Variants in ESRP1 observed in about 807,000 individuals in gnomAD.
ESRP1 encodes RNA-binding motif protein 35A.
A neutral mutation model predicts 81.7 loss-of-function variants in ESRP1; 33 were observed. The observed-to-expected ratio is 0.40, with a 90% CI of 0.31 to 0.54. The LOEUF (loss-of-function observed/expected upper bound fraction) is 0.54, where lower values mean the gene tolerates loss of function less well. ESRP1 is among the 20% of genes least tolerant of loss of function. ESRP1 has a pLI of 0.41. For synonymous variants in ESRP1, 320 were observed against 303.3 expected, an observed-to-expected ratio of 1.06 and a Z score of -0.57; for missense variants, 672 against 833.1, an observed-to-expected ratio of 0.81 and a Z score of 2.38.
chr8:94,678,519 G>T (rs552487847), intron 13 of ESRP1, 148 bp downstream of exon 13: 7 of 920,508 alleles, frequency 7.6e-6, no homozygotes, highest in South Asian at 3.7e-5. Context: ...GACCAAGAAG[G>T]TTGTTTCAAG....
chr8:94,672,658 G>A (rs958994751), intron 11 of ESRP1, among the ~76,000 whole-genome samples: 1 of 151,956 alleles, frequency 6.6e-6, no homozygotes, highest in South Asian at 2.1e-4. Flanking sequence ...TCAGCTTCCC[G>A]AGTAGCTGGG....
intron 4 of ESRP1, among the ~76,000 whole-genome samples, chr8:94,651,250 T>TC (rs1196856498): frequency 1.3e-5 from 2 of 150,678 alleles, no homozygotes; most frequent in Admixed American, 6.6e-5. Flanking sequence ...TTTTTTTTTT[T>TC]TTTTTTTTTT....
chr8:94,699,590 T>C (rs1417936577), intron 15 of ESRP1, among the ~76,000 whole-genome samples: 1 of 152,104 alleles, frequency 6.6e-6, no homozygotes, highest in Non-Finnish European at 1.5e-5. Context: ...CAGTGAGCCA[T>C]GATTGTACCA....
intron 13 of ESRP1, among the ~76,000 whole-genome samples, chr8:94,685,463 T>A (rs185334190): frequency 3.3e-4 from 50 of 152,262 alleles, no homozygotes; most frequent in Middle Eastern, 6.8e-3. Flanking sequence ...TGAGCTGTGA[T>A]TGTGCCACTG....
rs1265837926 is a variant in ESRP1 at position 94,707,117 on chromosome 8, CAT to C, written c.*1231_*1232del. On this transcript the variant is annotated 3_prime_UTR_variant, in exon 16 of 16. Coordinates refer to ENST00000433389, the MANE Select transcript of ESRP1 (RefSeq NM_017697.4). ...AATGTGGATATTTCTCTAAGTTACT[CAT>C]ATTGTCCTTTGCTTGAATGCAATGC... 6.6e-6 allele frequency: 1 copy of C among 152,216 alleles called. No homozygotes were observed. Among genetic ancestry groups the C allele is most frequent in the East Asian group, 1.9e-4 (1 of 5,202 alleles). 9.4% of individuals were successfully genotyped at this position (152,216 alleles called of 1,614,324 possible).
intron 13 of ESRP1, among the ~76,000 whole-genome samples, chr8:94,683,315 G>A (rs1476129327): frequency 1.3e-5 from 2 of 152,094 alleles, no homozygotes; most frequent in African/African-American, 4.8e-5. Flanking sequence ...GTGTTACTGT[G>A]TTCTATCCTG....
intron 14 of ESRP1, among the ~76,000 whole-genome samples, chr8:94,693,743 C>T (rs1206000562): frequency 1.3e-5 from 2 of 152,146 alleles, no homozygotes; most frequent in Admixed American, 1.3e-4. Context: ...AGGGTTGTGT[C>T]TGTAGAGGCT....
At position 94,689,811 on chromosome 8, in the gene ESRP1, C is replaced by CTTTTTTTTTTTTTTT. The variant is rs58359551; in HGVS notation, c.1821-2855_1821-2841dup. Among the ~76,000 whole-genome samples the CTTTTTTTTTTTTTTT allele has an allele frequency of 3.8e-3, 247 of 64,572 alleles. 7 individuals carry two copies. The highest frequency in any genetic ancestry group is 7.8e-3 in the Middle Eastern group (1 of 128). The allele number at this position is 64,572 out of a possible 152,430, so 42.4% of individuals were successfully genotyped here. The stretch of plus-strand genomic sequence containing the variant: ...CACAGGCATGTGCTATGATGCCTGG[C>CTTTTTTTTTTTTTTT]TTTTTTTTTTTTTTTTTTTTTTTTT... On this transcript the variant is annotated intron_variant, in intron 13 of 15. Coordinates refer to ENST00000433389, the MANE Select transcript of ESRP1 (RefSeq NM_017697.4).
At chr8:94,666,279 G>A (rs1054095747) in intron 9 of ESRP1, among the ~76,000 whole-genome samples, 2 of 152,202 alleles carry the variant, frequency 1.3e-5, no homozygotes, top group South Asian at 2.1e-4. Context: ...CCAGCTACTT[G>A]GGAGGCTGAG....
chr8:94,692,942 T>C (rs1182111151), intron 14 of ESRP1, 115 bp downstream of exon 14: 68 of 1,135,072 alleles, frequency 6.0e-5, no homozygotes, highest in Non-Finnish European at 7.4e-5. Flanking sequence ...GTATATATGC[T>C]AATGGATTTG....
Position 94,664,811 on chromosome 8 carries a change from G to A in ESRP1, c.755+4G>A. On this transcript the variant is annotated splice_donor_region_variant and intron_variant, in intron 7 of 15. Coordinates refer to ENST00000433389, the MANE Select transcript of ESRP1 (RefSeq NM_017697.4). Reference sequence around the variant, plus strand: ...TCAAAGGACTCAATATTGCCAAGTTGGTTTTCTTAAATATCTATTTTACTT... The same window carrying A: ...TCAAAGGACTCAATATTGCCAAGTTAGTTTTCTTAAATATCTATTTTACTT... The A allele has an allele frequency of 6.2e-7, 1 of 1,612,940 alleles. No homozygotes were observed. Among genetic ancestry groups the A allele is most frequent in the Non-Finnish European group, 8.5e-7 (1 of 1,179,314 alleles).
At chr8:94,682,348 A>C (rs1297908681) in intron 13 of ESRP1, among the ~76,000 whole-genome samples, 1 of 152,092 alleles carries the variant, frequency 6.6e-6, no homozygotes, top group Non-Finnish European at 1.5e-5. Context: ...GACATTATAA[A>C]TTACAAGTAA....
intron 2 of ESRP1, 21 bp downstream of exon 2, chr8:94,642,105 C>T: frequency 1.9e-6 from 3 of 1,606,288 alleles, no homozygotes; most frequent in Non-Finnish European, 2.5e-6. Context: ...CGGGTCACGC[C>T]ACCCACCCCA....
chr8:94,690,390 C>T (rs1396002575), intron 13 of ESRP1, among the ~76,000 whole-genome samples: 1 of 148,304 alleles, frequency 6.7e-6, no homozygotes, highest in African/African-American at 2.5e-5. Flanking sequence ...ACTTTGGCCT[C>T]CCAAAGTGCT....
intron 9 of ESRP1, among the ~76,000 whole-genome samples, 185 bp from the exon 10 acceptor site, chr8:94,667,764 A>G (rs2130626610): frequency 6.6e-6 from 1 of 152,302 alleles, no homozygotes; most frequent in East Asian, 1.9e-4. Context: ...AGGATGTTTT[A>G]TGAAAAAGGG....
Position 94,646,153 on chromosome 8 carries a change from C to T in ESRP1, c.376-15C>T. On this transcript the variant is annotated splice_polypyrimidine_tract_variant and intron_variant, in intron 3 of 15. Transcript: ENST00000433389. ...AATTCACCTAGTTAACATTATCTAC[C>T]TTGTCCTTCCTCAGAATGTACTATT... is the stretch of plus-strand genomic sequence containing the variant. 1 of 1,485,836 alleles carries T rather than the reference C, an allele frequency of 6.7e-7. No homozygotes were observed. The highest frequency in any genetic ancestry group is 9.3e-7 in the Non-Finnish European group (1 of 1,070,762). 92.0% of individuals were successfully genotyped at this position (1,485,836 alleles called of 1,614,324 possible).
chr8:94,674,297 C>A lies in ESRP1; in HGVS notation c.1453-11C>A. ...TCTCCTTTTGTTTTTATTCTTCCCC[C>A]ACACACTCAGGGCCGCCCATCAGGA... On this transcript the variant is annotated splice_polypyrimidine_tract_variant and intron_variant, in intron 11 of 15. Coordinates refer to ENST00000433389, the MANE Select transcript of ESRP1 (RefSeq NM_017697.4). The A allele has an allele frequency of 6.2e-7, 1 of 1,610,002 alleles. No homozygotes were observed.
intron 4 of ESRP1, among the ~76,000 whole-genome samples, chr8:94,659,493 C>T (rs1184197004): frequency 1.3e-5 from 2 of 152,182 alleles, no homozygotes; most frequent in African/African-American, 2.4e-5. Context: ...TTCCCTGAAA[C>T]ACAATATTGA....
At chr8:94,692,881 T>C in intron 14 of ESRP1, 54 bp downstream of exon 14, 1 of 1,561,948 alleles carries the variant, frequency 6.4e-7, no homozygotes, top group Non-Finnish European at 8.7e-7. Flanking sequence ...TAAGTTGATT[T>C]GCCTAAAGAA....
Sources: allele counts gnomAD v4.1 joint callset (sites outside exome capture counted in the v4.1 genomes callset), GRCh38; gene constraint gnomAD v4.1.1; transcripts MANE v1.5; gene names NCBI Gene and HGNC (gene_info 2026-07-23, HGNC 2026-07-21).